Variants in CACNA2D1 observed in about 807,000 individuals in gnomAD.
CACNA2D1 encodes the protein calcium voltage-gated channel auxiliary subunit alpha2delta 1, also known as voltage-dependent calcium channel subunit alpha-2/delta-1.
A neutral mutation model predicts 171.5 loss-of-function variants in CACNA2D1; 53 were observed. The observed-to-expected ratio is 0.31, with a 90% CI of 0.25 to 0.39. The LOEUF is 0.39. Ranked by LOEUF, CACNA2D1 falls within the 10% of genes least tolerant of loss-of-function variation. CACNA2D1 has a pLI of 1.00. For missense variants in CACNA2D1, 903 were observed against 1,299.8 expected (o/e 0.69, Z 4.69); for synonymous variants, 442 against 443.1 (o/e 1.00, Z 0.03).
At chr7:82,408,586 A>G (rs1827315374) in intron 1 of CACNA2D1, among the ~76,000 whole-genome samples, 1 of 152,178 alleles carries the variant, frequency 6.6e-6, no homozygotes, top group African/African-American at 2.4e-5. Flanking sequence ...CACAGAACAG[A>G]TCCTGGACAT....
intron 3 of CACNA2D1, among the ~76,000 whole-genome samples, chr7:82,309,025 T>C (rs1222257995): frequency 6.6e-6 from 1 of 152,232 alleles, no homozygotes; most frequent in Non-Finnish European, 1.5e-5. Context: ...TCTGTGTCTC[T>C]TTATGTTATA....
chr7:82,405,978 G>A (rs908890704), intron 1 of CACNA2D1, among the ~76,000 whole-genome samples: 2 of 152,038 alleles, frequency 1.3e-5, no homozygotes, highest in Non-Finnish European at 2.9e-5. Context: ...CCATGTTGGT[G>A]TGCTGCACCC....
intron 6 of CACNA2D1, among the ~76,000 whole-genome samples, chr7:82,112,635 T>C (rs1190273758): frequency 1.3e-5 from 2 of 152,236 alleles, no homozygotes; most frequent in Admixed American, 1.3e-4. Context: ...ACTTGAATAC[T>C]AACTTTTTTA....
Position 82,111,428 on chromosome 7 carries a change from G to GTGTA in CACNA2D1, c.526+5615_526+5616insTACA, listed in dbSNP as rs1413914216. On this transcript the variant is annotated intron_variant, in intron 6 of 38. Transcript: ENST00000356860. ...TATTCATATATGTGTATATATGTGT[G>GTGTA]TATATATATATATATATTTTTTTTT... Among the ~76,000 whole-genome samples the GTGTA allele has an allele frequency of 2.6e-3, 133 of 50,400 alleles. 11 individuals carry two copies. Among genetic ancestry groups the GTGTA allele is most frequent in the East Asian group, 9.1e-3 (14 of 1,534 alleles). 33.1% of individuals were successfully genotyped at this position (50,400 alleles called of 152,430 possible). A position where few individuals can be genotyped will look rare whatever the true frequency, so the allele number is the denominator to read the frequency against.
chr7:82,347,416 C>T (rs1819371527), intron 2 of CACNA2D1, among the ~76,000 whole-genome samples: 1 of 151,986 alleles, frequency 6.6e-6, no homozygotes, highest in Non-Finnish European at 1.5e-5. Flanking sequence ...GCTAATTGTA[C>T]CCTGTGAATC....
intron 24 of CACNA2D1, among the ~76,000 whole-genome samples, chr7:81,975,098 GAAT>G (rs1244920536): frequency 6.6e-6 from 1 of 151,882 alleles, no homozygotes; most frequent in Non-Finnish European, 1.5e-5. Context: ...AGTGAAATCT[GAAT>G]AATATCAGTG....
intron 3 of CACNA2D1, among the ~76,000 whole-genome samples, chr7:82,312,410 C>A (rs1202705876): frequency 6.6e-6 from 1 of 151,990 alleles, no homozygotes; most frequent in Non-Finnish European, 1.5e-5. Flanking sequence ...CAAACTGGAG[C>A]TGGACAATCT....
intron 2 of CACNA2D1, among the ~76,000 whole-genome samples, chr7:82,339,236 C>G (rs1460802122): frequency 6.6e-6 from 1 of 152,158 alleles, no homozygotes. Flanking sequence ...TTTTCCCTCT[C>G]CTAGGAAAGA....
intron 12 of CACNA2D1, among the ~76,000 whole-genome samples, chr7:82,014,805 G>C (rs765618433): frequency 5.0e-4 from 76 of 152,158 alleles, no homozygotes; most frequent in Non-Finnish European, 9.1e-4. Context: ...CGTAATCCCA[G>C]CACTTCGGGA....
At chr7:82,048,395 T>C (rs1486212168) in intron 10 of CACNA2D1, among the ~76,000 whole-genome samples, 4 of 152,122 alleles carry the variant, frequency 2.6e-5, no homozygotes. Context: ...GTGAATTAGT[T>C]GTAGAAAAAA....
At chr7:82,082,148 C>T (rs1280113997) in intron 7 of CACNA2D1, among the ~76,000 whole-genome samples, 1 of 152,188 alleles carries the variant, frequency 6.6e-6, no homozygotes, top group Non-Finnish European at 1.5e-5. Flanking sequence ...GCCCACGGCT[C>T]TGGGGCTGGC....
intron 1 of CACNA2D1, among the ~76,000 whole-genome samples, chr7:82,351,997 T>G (rs552399524): frequency 6.6e-6 from 1 of 152,262 alleles, no homozygotes; most frequent in South Asian, 2.1e-4. Context: ...GAAGTGAACT[T>G]AACTCATCCC....
At chr7:82,402,029 A>G (rs1298421434) in intron 1 of CACNA2D1, among the ~76,000 whole-genome samples, 1 of 152,228 alleles carries the variant, frequency 6.6e-6, no homozygotes, top group Non-Finnish European at 1.5e-5. Context: ...ATCTTTTCCT[A>G]AAAACTATGG....
At chr7:82,024,031 C>G (rs190944177) in intron 12 of CACNA2D1, 2 of 151,814 alleles carry the variant, frequency 1.3e-5, no homozygotes, top group Admixed American at 1.3e-4. Context: ...TATGTATATA[C>G]CACATTTTCT....
At chr7:82,300,600 A>G (rs1156475796) in intron 3 of CACNA2D1, among the ~76,000 whole-genome samples, 1 of 152,154 alleles carries the variant, frequency 6.6e-6, no homozygotes, top group African/African-American at 2.4e-5. Context: ...TCTAACTCCT[A>G]AAGTTTAAAC....
At chr7:82,249,402 A>G (rs567220457) in intron 3 of CACNA2D1, among the ~76,000 whole-genome samples, 1 of 152,338 alleles carries the variant, frequency 6.6e-6, no homozygotes, top group Non-Finnish European at 1.5e-5. Context: ...AATTCTTTGC[A>G]GGATCATTTG....
At chr7:82,319,322 CA>C (rs1177028011) in intron 3 of CACNA2D1, among the ~76,000 whole-genome samples, 1 of 151,974 alleles carries the variant, frequency 6.6e-6, no homozygotes, top group Non-Finnish European at 1.5e-5. Context: ...ATTTTTGAAT[CA>C]AAATACAGTT....
intron 3 of CACNA2D1, among the ~76,000 whole-genome samples, chr7:82,294,721 T>G (rs975125965): frequency 6.6e-6 from 1 of 152,138 alleles, no homozygotes; most frequent in Non-Finnish European, 1.5e-5. Context: ...CCCAACCATG[T>G]AGAAGAAAAT....
At chr7:82,048,089 T>C (rs1804757523) in intron 10 of CACNA2D1, among the ~76,000 whole-genome samples, 1 of 152,136 alleles carries the variant, frequency 6.6e-6, no homozygotes, top group Admixed American at 6.5e-5. Flanking sequence ...TTTAAGAAAG[T>C]TTATTCACAT....
Sources: allele counts gnomAD v4.1 joint callset (sites outside exome capture counted in the v4.1 genomes callset), GRCh38; gene constraint gnomAD v4.1.1; transcripts MANE v1.5; gene names NCBI Gene and HGNC (gene_info 2026-07-23, HGNC 2026-07-21).